Variants in TRPM4 observed in about 807,000 individuals in gnomAD.
TRPM4 encodes the protein transient receptor potential cation channel subfamily M member 4, also known as calcium-activated non-selective cation channel 1.
TRPM4 carries 124 observed loss-of-function variants against 135.6 expected under a neutral mutation model. That is an observed-to-expected ratio of 0.91 (90% CI 0.79 to 1.06). TRPM4 has a LOEUF of 1.06. Among genes scored for constraint, TRPM4 ranks in the 50% least tolerant of loss-of-function variants. TRPM4 has a pLI of 0.00. For synonymous variants in TRPM4, 745 were observed against 705.6 expected, an observed-to-expected ratio of 1.06 and a Z score of -0.88; for missense variants, 1,658 against 1,671.4, an observed-to-expected ratio of 0.99 and a Z score of 0.14.
chr19:49,170,347 C>T (rs1967405042), intron 6 of TRPM4, among the ~76,000 whole-genome samples: 2 of 152,214 alleles, frequency 1.3e-5, no homozygotes, highest in South Asian at 4.1e-4. Context: ...AGCCACCACT[C>T]CCAGCTAATT....
At chr19:49,190,073 C>A in intron 14 of TRPM4, 135 bp from the exon 15 acceptor site, 1 of 784,382 alleles carries the variant, frequency 1.3e-6, no homozygotes, top group Non-Finnish European at 2.2e-6. Context: ...ACCACCGTTT[C>A]CCTACCTCAA....
chr19:49,158,332 C>A, intron 2 of TRPM4, 73 bp downstream of exon 2: 1 of 1,337,032 alleles, frequency 7.5e-7, no homozygotes, highest in South Asian at 1.2e-5. Context: ...TGGTCACGCC[C>A]CAGCCCTGCT....
rs2041538063 is a variant in TRPM4, at chr19:49,157,793, C to T, written c.-74C>T. 3.9e-6 allele frequency: 6 copies of T among 1,527,482 alleles called. No homozygotes were observed. The highest frequency in any genetic ancestry group is 2.0e-5 in the Admixed American group (1 of 50,790). 94.6% of individuals were successfully genotyped at this position (1,527,482 alleles called of 1,614,324 possible). ...AGTGGAGGATCCGGTTTGCTCTGGG[C>T]GGGTCTGGAAGCAGAGCCGGCGGAG... On this transcript the variant is annotated 5_prime_UTR_variant, in exon 1 of 25. Transcript: ENST00000252826.
intron 20 of TRPM4, among the ~76,000 whole-genome samples, chr19:49,204,581 C>A (rs767851510): frequency 6.6e-6 from 1 of 151,608 alleles, no homozygotes; most frequent in Non-Finnish European, 1.5e-5. Flanking sequence ...ACCAAAACAC[C>A]AGAAATGAGA....
intron 20 of TRPM4, among the ~76,000 whole-genome samples, chr19:49,203,365 G>T (rs2145977012): frequency 6.6e-6 from 1 of 151,696 alleles, no homozygotes. Flanking sequence ...ATTTTTAGTA[G>T]AGATGGGGTT....
chr19:49,191,524 T>C (rs1161061478), intron 16 of TRPM4, among the ~76,000 whole-genome samples: 1 of 149,814 alleles, frequency 6.7e-6, no homozygotes, highest in South Asian at 2.1e-4. Context: ...CATTTCTTTC[T>C]TTCTTTTTTG....
intron 2 of TRPM4, 86 bp from the exon 3 acceptor site, chr19:49,165,955 C>G (rs1165863471): frequency 1.5e-6 from 2 of 1,355,554 alleles, no homozygotes; most frequent in Admixed American, 2.0e-5. Flanking sequence ...GTGTCGACAG[C>G]CCCCTCTACA....
intron 15 of TRPM4, 25 bp downstream of exon 15, chr19:49,190,345 TG>T: frequency 6.2e-7 from 1 of 1,602,422 alleles, no homozygotes; most frequent in South Asian, 1.1e-5. Flanking sequence ...GTGAGAGTGG[TG>T]GGGATGGGGG....
rs1459740864 is a variant in TRPM4, at chr19:49,210,195, T to G, written c.3132-14T>G. ...CCCTGACCTCAAGTGACCTTTGACC[T>G]CTGGCCTTTGCAGTTACACATTCGG... is the stretch of plus-strand genomic sequence containing the variant. On this transcript the variant is annotated splice_polypyrimidine_tract_variant and intron_variant, in intron 20 of 24. Coordinates refer to ENST00000252826, the MANE Select transcript of TRPM4 (RefSeq NM_017636.4). The surrounding 1 kb of genome is among the most constrained non-coding windows in gnomAD (Gnocchi z 4.1). 6.2e-7 allele frequency: 1 copy of G among 1,614,074 alleles called. No individual in the cohort carries two copies. Among genetic ancestry groups the G allele is most frequent in the Non-Finnish European group, 8.5e-7 (1 of 1,180,026 alleles).
chr19:49,187,385 T>A (rs1387313664), intron 12 of TRPM4, among the ~76,000 whole-genome samples: 1 of 151,946 alleles, frequency 6.6e-6, no homozygotes, highest in Non-Finnish European at 1.5e-5. Flanking sequence ...TCCTCAGTCA[T>A]CCAGGCTGGA....
rs898326272 is a variant in TRPM4 at position 49,182,884 on chromosome 19, G to C, written c.1570G>C (p.Ala524Pro). Residue 524 changes from alanine (A) to proline (P), a missense_variant, in exon 11 of 25, where the codon GCC (alanine) becomes CCC (proline). Physicochemically the swap from Ala to Pro is conservative, Grantham distance 27. Coordinates refer to ENST00000252826, the MANE Select transcript of TRPM4 (RefSeq NM_017636.4). ...CGCGCCGAGGTACCCCTCCGGGGGC[G>C]CCTGGGACCCTCACCCAGGCCAGGG... ...MCAPRYPSGG[A>P]WDPHPGQGFG... 4 of 1,601,960 alleles carry C rather than the reference G, an allele frequency of 2.5e-6. No homozygotes were observed. The highest frequency in any genetic ancestry group is 3.5e-4 in the Middle Eastern group (2 of 5,672).
rs1170430691 is a variant in TRPM4, at chr19:49,181,443, G to C, written c.1245G>C (p.Arg415=). ...RVDIAQSELF[R]GDIQWRSFHL... is the part of the protein sequence containing the mutation. Reference sequence around the variant, plus strand: ...ACATTGCCCAGAGTGAACTCTTTCGGGGGGACATCCAATGGCGGGTGAGGG... The same window carrying C: ...ACATTGCCCAGAGTGAACTCTTTCGCGGGGACATCCAATGGCGGGTGAGGG... Residue 415 remains arginine, a synonymous_variant, in exon 10 of 25, where the codon CGG becomes CGC. Transcript: ENST00000252826. 6.2e-7 allele frequency: 1 copy of C among 1,613,700 alleles called. No individual in the cohort carries two copies.
In TRPM4 at chr19:49,196,530, G is replaced by A; in HGVS notation, c.2301G>A (p.Arg767=). Reference sequence around the variant, plus strand: ...GCGGGGGCCGCTGCGGGGGGCGCCGGTGCCTACGCCGCTGGTTCCACTTCT... The same window carrying A: ...GCGGGGGCCGCTGCGGGGGGCGCCGATGCCTACGCCGCTGGTTCCACTTCT... The part of the protein sequence containing the change: ...GCCGGRCGGR[R]CLRRWFHFWG... Residue 767 remains arginine, a synonymous_variant, in exon 17 of 25, where the codon CGG becomes CGA. Coordinates refer to ENST00000252826, the MANE Select transcript of TRPM4 (RefSeq NM_017636.4). 4.5e-6 allele frequency: 7 copies of A among 1,554,328 alleles called. No homozygotes were observed. The highest frequency in any genetic ancestry group is 6.1e-6 in the Non-Finnish European group (7 of 1,153,614).
intron 12 of TRPM4, among the ~76,000 whole-genome samples, chr19:49,184,610 G>C (rs1183693118): frequency 6.6e-6 from 1 of 151,678 alleles, no homozygotes; most frequent in East Asian, 1.9e-4. Flanking sequence ...CTCCCAAGTA[G>C]CTGGGACTAC....
rs1167147460 is a variant in TRPM4, at chr19:49,194,925, A to ATT, written c.2211-1501_2211-1500dup. On this transcript the variant is annotated intron_variant, in intron 16 of 24. Coordinates refer to ENST00000252826, the MANE Select transcript of TRPM4 (RefSeq NM_017636.4). ...CTGCAGGTATAAACACACCTGGCTA[A>ATT]TTTTTTTTTTTTTTTCTGTAGAGAT... 9.6e-5 allele frequency among the ~76,000 whole-genome samples: 13 copies of ATT among 136,004 alleles called. 1 individual carries two copies. Among genetic ancestry groups the ATT allele is most frequent in the Non-Finnish European group, 9.7e-5 (6 of 61,938 alleles). 89.2% of individuals were successfully genotyped at this position (136,004 alleles called of 152,430 possible).
chr19:49,202,527 T>A (rs1314921871), intron 20 of TRPM4, among the ~76,000 whole-genome samples: 3 of 151,966 alleles, frequency 2.0e-5, no homozygotes, highest in Non-Finnish European at 2.9e-5. Flanking sequence ...TTTAAAAAAA[T>A]TTTTGGAGAG....
chr19:49,168,867 T>C, intron 6 of TRPM4, 131 bp downstream of exon 6: 1 of 1,063,688 alleles, frequency 9.4e-7, no homozygotes, highest in Non-Finnish European at 1.4e-6. Context: ...CCCGTCATTA[T>C]TCATGGTTTT....
intron 2 of TRPM4, among the ~76,000 whole-genome samples, chr19:49,164,942 C>T (rs1487568774): frequency 6.6e-6 from 1 of 151,594 alleles, no homozygotes; most frequent in African/African-American, 2.4e-5. Context: ...CAGGGTCTGA[C>T]TATATTGCAC....
chr19:49,171,487 G>A lies in TRPM4; in HGVS notation c.858+69G>A. The A allele has an allele frequency of 1.2e-6, 2 of 1,612,292 alleles. No homozygotes were observed. On this transcript the variant is annotated intron_variant, in intron 7 of 24. Transcript: ENST00000252826. The surrounding 1 kb of genome is among the most constrained non-coding windows in gnomAD (Gnocchi z 4.7). The stretch of plus-strand genomic sequence containing the variant: ...GGGGGCCAGGACTCCTGGGTCCTGA[G>A]TCTTAGGGAGGGTCTGGGGGTCTGA...
Sources: allele counts gnomAD v4.1 joint callset (sites outside exome capture counted in the v4.1 genomes callset), GRCh38; gene constraint gnomAD v4.1.1; non-coding constraint Gnocchi (gnomAD v3.1); transcripts MANE v1.5; gene names NCBI Gene and HGNC (gene_info 2026-07-23, HGNC 2026-07-21).